PIGN: variants seen among roughly 807,000 people sequenced by gnomAD.
PIGN encodes phosphatidylinositol glycan anchor biosynthesis class N, also known as GPI ethanolamine phosphate transferase 1.
Under a neutral mutation model 125.4 loss-of-function variants are expected in PIGN, and 117 were observed. That is an observed-to-expected ratio of 0.93 (90% CI 0.80 to 1.09). PIGN has a LOEUF of 1.09. PIGN is among the 50% of genes least tolerant of loss of function. The pLI is 0.00. For synonymous variants in PIGN, 392 were observed against 377.8 expected, an observed-to-expected ratio of 1.04 and a Z score of -0.44; for missense variants, 1,075 against 1,094.9, an observed-to-expected ratio of 0.98 and a Z score of 0.26.
chr18:62,135,552 C>G (rs901925222), intron 14 of PIGN: 1 of 151,958 alleles, frequency 6.6e-6, no homozygotes, highest in African/African-American at 2.4e-5. Context: ...GCAGTGTGCA[C>G]CTGAACCCTT....
intron 1 of PIGN, among the ~76,000 whole-genome samples, chr18:62,175,888 G>A (rs2037508320): frequency 6.6e-6 from 1 of 152,142 alleles, no homozygotes; most frequent in African/African-American, 2.4e-5. Flanking sequence ...GAATATGGCA[G>A]GAAGAGAGCT....
At chr18:62,141,872 C>T (rs2036148476) in intron 11 of PIGN, among the ~76,000 whole-genome samples, 1 of 152,196 alleles carries the variant, frequency 6.6e-6, no homozygotes. Flanking sequence ...TTCTTCAAGA[C>T]CCTTTAATAC....
In PIGN at chr18:62,165,922, A is replaced by C. The variant is rs533565009; in HGVS notation, c.-235-2266T>G. On this transcript the variant is annotated intron_variant, in intron 1 of 30. Coordinates refer to ENST00000640252, the MANE Select transcript of PIGN (RefSeq NM_176787.5). ...AAAGTAAATGGGAGGTGAGGGAGTGAGAGTGGAATGAGCACAACTCTTTGG... is the reference window on the plus strand; with the variant it reads ...AAAGTAAATGGGAGGTGAGGGAGTGCGAGTGGAATGAGCACAACTCTTTGG... 7.4e-4 allele frequency among the ~76,000 whole-genome samples: 112 copies of C among 152,324 alleles called. 1 individual carries two copies. The highest frequency in any genetic ancestry group is 6.8e-3 in the Middle Eastern group (2 of 294).
chr18:62,047,430 C>T (rs1187556799), intron 30 of PIGN, among the ~76,000 whole-genome samples: 1 of 152,186 alleles, frequency 6.6e-6, no homozygotes, highest in African/African-American at 2.4e-5. Context: ...TAGTGGAGAG[C>T]CAGGAATTCC....
At chr18:62,174,721 C>T (rs536986551) in intron 1 of PIGN, among the ~76,000 whole-genome samples, 11 of 152,064 alleles carry the variant, frequency 7.2e-5, no homozygotes, top group Non-Finnish European at 1.2e-4. Flanking sequence ...TTAATTAAAT[C>T]GGTTAAATTA....
At chr18:62,017,917 C>G (rs1243053943) in intron 23 of PIGN, among the ~76,000 whole-genome samples, 1 of 152,186 alleles carries the variant, frequency 6.6e-6, no homozygotes, top group Admixed American at 6.5e-5. Context: ...ATATTACCAC[C>G]CTGAACAAAA....
intron 4 of PIGN, among the ~76,000 whole-genome samples, chr18:62,159,589 C>T (rs2036866239): frequency 6.6e-6 from 1 of 152,014 alleles, no homozygotes; most frequent in African/African-American, 2.4e-5. Context: ...CCACAATGTT[C>T]GTCTATTGAC....
chr18:62,028,296 A>G (rs71352557), intron 23 of PIGN, among the ~76,000 whole-genome samples: 4,339 of 152,312 alleles, frequency 0.028, 102 homozygotes, highest in Non-Finnish European at 0.043. Flanking sequence ...AATTCAGCTG[A>G]CTTTATTCTC....
chr18:62,138,024 T>C, intron 14 of PIGN: 1 of 549,182 alleles, frequency 1.8e-6, no homozygotes, highest in Non-Finnish European at 3.1e-6. Context: ...CTCATGTATC[T>C]CTCCATTCCC....
At chr18:62,161,863 T>G (rs2036963968) in intron 3 of PIGN, among the ~76,000 whole-genome samples, 1 of 148,490 alleles carries the variant, frequency 6.7e-6, no homozygotes, top group Non-Finnish European at 1.5e-5. Context: ...GTTGCTGAAT[T>G]GATTTAAATT....
intron 15 of PIGN, among the ~76,000 whole-genome samples, chr18:62,113,817 A>G (rs2034978238): frequency 6.6e-6 from 1 of 152,202 alleles, no homozygotes; most frequent in South Asian, 2.1e-4. Flanking sequence ...TTTAGAAATG[A>G]AAACAGAATT....
At chr18:62,036,677 T>C (rs1349802621), downstream of PIGN, among the ~76,000 whole-genome samples, 1 of 152,228 alleles carries the variant, frequency 6.6e-6, no homozygotes, top group Non-Finnish European at 1.5e-5. Context: ...ATTATGCCCT[T>C]CTTTTTTGTC....
chr18:62,146,234 A>C (rs1419472966), intron 9 of PIGN, among the ~76,000 whole-genome samples: 1 of 152,232 alleles, frequency 6.6e-6, no homozygotes, highest in African/African-American at 2.4e-5. Context: ...ACAGGCATAA[A>C]GTAAAACAAA....
At chr18:62,141,423 G>A (rs535157062) in intron 11 of PIGN, among the ~76,000 whole-genome samples, 3 of 152,296 alleles carry the variant, frequency 2.0e-5, no homozygotes, top group South Asian at 4.1e-4. Context: ...TCCTTTCTTG[G>A]CCTCAACACC....
intron 30 of PIGN, chr18:62,052,919 A>T: frequency 2.6e-6 from 1 of 389,034 alleles, no homozygotes; most frequent in Admixed American, 4.5e-5. Context: ...ATCTCTCAGC[A>T]TTTGCTTGTC....
chr18:62,054,680 T>A (rs1160410695), intron 30 of PIGN, among the ~76,000 whole-genome samples: 3 of 151,868 alleles, frequency 2.0e-5, no homozygotes, highest in African/African-American at 7.3e-5. Context: ...TCTGTAGAGA[T>A]GGGGTCTTGC....
At chr18:62,020,807 A>G (rs893711344) in intron 23 of PIGN, among the ~76,000 whole-genome samples, 4 of 151,580 alleles carry the variant, frequency 2.6e-5, no homozygotes, top group Admixed American at 2.0e-4. Context: ...AAAAAAAAAA[A>G]AAAATTAGCC....
intron 14 of PIGN, among the ~76,000 whole-genome samples, chr18:62,130,790 T>C (rs2035704749): frequency 6.6e-6 from 1 of 152,146 alleles, no homozygotes; most frequent in South Asian, 2.1e-4. Context: ...ACCTAATATT[T>C]TAGTAATACT....
intron 14 of PIGN, chr18:62,137,151 C>G: frequency 2.5e-6 from 1 of 398,632 alleles, no homozygotes; most frequent in East Asian, 3.6e-5. Flanking sequence ...AATGAGCAGA[C>G]TTGCTGAGTT....
Sources: allele counts gnomAD v4.1 joint callset (sites outside exome capture counted in the v4.1 genomes callset), GRCh38; gene constraint gnomAD v4.1.1; transcripts MANE v1.5; gene names NCBI Gene and HGNC (gene_info 2026-07-23, HGNC 2026-07-21).